Variants in NBAS observed in about 807,000 individuals in gnomAD.
NBAS encodes the protein NBAS subunit of NRZ tethering complex, also known as NAG/BC035112 fusion.
A neutral mutation model predicts 302.5 loss-of-function variants in NBAS; 219 were observed. That is an observed-to-expected ratio of 0.72 (90% CI 0.65 to 0.81). NBAS has a LOEUF of 0.81. NBAS is among the 30% of genes least tolerant of loss of function. NBAS has a pLI of 0.00. For synonymous variants in NBAS, 1,118 were observed against 1,021.6 expected (o/e 1.09, Z -1.80); for missense variants, 2,932 against 2,841.6 (o/e 1.03, Z -0.72).
chr2:14,905,513 C>G, the NBAS span, among the ~76,000 whole-genome samples: 1 of 152,144 alleles, frequency 6.6e-6, no homozygotes, highest in South Asian at 2.1e-4. Context: ...CTCTGGTGCC[C>G]CTGCCTTGCT....
intron 9 of NBAS, among the ~76,000 whole-genome samples, chr2:15,523,429 A>T (rs965733399): frequency 6.6e-5 from 10 of 150,632 alleles, no homozygotes; most frequent in African/African-American, 2.2e-4. Flanking sequence ...TTTATAGAGC[A>T]TTTACATTGG....
the NBAS span, among the ~76,000 whole-genome samples, chr2:15,133,326 G>T: frequency 2.6e-5 from 4 of 152,246 alleles, no homozygotes; most frequent in South Asian, 2.1e-4. Context: ...ATAGCGGGGG[G>T]GGGGCAGGGA....
chr2:15,483,039 C>T (rs1680493036), intron 12 of NBAS, among the ~76,000 whole-genome samples: 1 of 152,090 alleles, frequency 6.6e-6, no homozygotes, highest in Non-Finnish European at 1.5e-5. Context: ...GTACAGAAAA[C>T]CTATTACGGC....
At chr2:15,462,117 T>C (rs1452774593) in intron 19 of NBAS, among the ~76,000 whole-genome samples, 2 of 152,254 alleles carry the variant, frequency 1.3e-5, no homozygotes, top group African/African-American at 4.8e-5. Flanking sequence ...TATGAGCACC[T>C]GAACCTCTAT....
chr2:15,068,004 T>A, the NBAS span, among the ~76,000 whole-genome samples: 1 of 152,194 alleles, frequency 6.6e-6, no homozygotes, highest in African/African-American at 2.4e-5. Flanking sequence ...CCTCTAAGTT[T>A]TAGAGTTTAA....
chr2:15,498,723 G>A (rs1262624172), intron 11 of NBAS, among the ~76,000 whole-genome samples: 1 of 151,980 alleles, frequency 6.6e-6, no homozygotes, highest in Non-Finnish European at 1.5e-5. Context: ...GATGGTTTAA[G>A]TGTGTGGCAC....
intron 22 of NBAS, 26 bp downstream of exon 22, chr2:15,427,685 G>A (rs1460456290): frequency 1.3e-6 from 2 of 1,575,800 alleles, no homozygotes; most frequent in Non-Finnish European, 8.7e-7. Flanking sequence ...AAGAAACAAA[G>A]ATGCCTCCTG....
chr2:15,017,046 A>G, the NBAS span, among the ~76,000 whole-genome samples: 2 of 152,134 alleles, frequency 1.3e-5, no homozygotes, highest in African/African-American at 4.8e-5. Context: ...CAAAGGAATG[A>G]AGGATATTCA....
At chr2:15,291,941 T>A (rs551092418) in intron 41 of NBAS, among the ~76,000 whole-genome samples, 1 of 152,054 alleles carries the variant, frequency 6.6e-6, no homozygotes. Flanking sequence ...TAAAAAAAAA[T>A]AGTAACTTTA....
chr2:15,430,404 T>TTAC (rs1257045895), intron 21 of NBAS, among the ~76,000 whole-genome samples: 1 of 152,148 alleles, frequency 6.6e-6, no homozygotes, highest in African/African-American at 2.4e-5. Flanking sequence ...AGCATTACTA[T>TTAC]TACTACTACT....
intron 42 of NBAS, among the ~76,000 whole-genome samples, chr2:15,283,566 G>T (rs915861324): frequency 7.9e-5 from 12 of 152,262 alleles, no homozygotes; most frequent in Non-Finnish European, 1.5e-4. Context: ...ATGATTGTAA[G>T]TTTCCTGAGG....
downstream of NBAS, among the ~76,000 whole-genome samples, chr2:15,162,089 T>C (rs996433646): frequency 1.3e-5 from 2 of 152,146 alleles, no homozygotes; most frequent in Non-Finnish European, 2.9e-5. Flanking sequence ...AGAAAACAGA[T>C]ACAGAGAAAG....
At position 15,340,933 on chromosome 2, in the gene NBAS, G is replaced by A. The variant is rs377186876; in HGVS notation, c.4180-10168C>T. 7.2e-5 allele frequency among the ~76,000 whole-genome samples: 11 copies of A among 152,210 alleles called. No homozygotes were observed. The East Asian group carries it at 1.2e-3, about 16-fold the overall frequency. ...CAAGCTGTTCTGGTAAAATGGTGAC[G>A]AAAGAAGGCCCCATGGAGAGTAGAT... On this transcript the variant is annotated intron_variant, in intron 35 of 51. Coordinates refer to ENST00000281513, the MANE Select transcript of NBAS (RefSeq NM_015909.4).
chr2:14,849,779 C>T, the NBAS span, among the ~76,000 whole-genome samples: 1 of 142,786 alleles, frequency 7.0e-6, no homozygotes, highest in Non-Finnish European at 1.5e-5. Flanking sequence ...CAATATTCAA[C>T]ATTCTTAAAG....
At chr2:15,436,261 T>C (rs894654152) in intron 21 of NBAS, among the ~76,000 whole-genome samples, 1 of 152,250 alleles carries the variant, frequency 6.6e-6, no homozygotes, top group Non-Finnish European at 1.5e-5. Context: ...CTAAGACTAT[T>C]TGCCTGTAGA....
At chr2:15,470,736 T>C (rs1255656166) in intron 16 of NBAS, among the ~76,000 whole-genome samples, 1 of 152,092 alleles carries the variant, frequency 6.6e-6, no homozygotes, top group Non-Finnish European at 1.5e-5. Context: ...GTTTCTAGAG[T>C]TGTATCTGAA....
intron 12 of NBAS, among the ~76,000 whole-genome samples, chr2:15,482,480 C>T (rs966616979): frequency 1.3e-5 from 2 of 152,108 alleles, no homozygotes; most frequent in Non-Finnish European, 2.9e-5. Flanking sequence ...ATTTGTCATG[C>T]TTCTCTCGTT....
the NBAS span, among the ~76,000 whole-genome samples, chr2:15,049,443 G>A: frequency 5.9e-4 from 90 of 152,316 alleles, no homozygotes; most frequent in African/African-American, 2.0e-3. Flanking sequence ...TCAAGGCTCA[G>A]TGACTCATCA....
At chr2:14,865,035 C>T in the NBAS span, among the ~76,000 whole-genome samples, 1 of 152,156 alleles carries the variant, frequency 6.6e-6, no homozygotes, top group African/African-American at 2.4e-5. Context: ...TTAGCTGTCT[C>T]TCCATACATG....
Sources: gnomAD v4.1 joint callset for allele counts (sites outside exome capture counted in the v4.1 genomes callset) on GRCh38, gnomAD v4.1.1 for gene constraint, MANE v1.5 for transcripts, NCBI Gene and HGNC (gene_info 2026-07-23, HGNC 2026-07-21) for gene names.